The following PRDM11 variants were observed in gnomAD, a reference collection of about 807,000 sequenced individuals.
The protein encoded by PRDM11 is PR/SET domain 11, also known as PR domain-containing protein 11.
PRDM11 carries 20 observed loss-of-function variants against 97.8 expected under a neutral mutation model. That is an observed-to-expected ratio of 0.20 (90% CI 0.14 to 0.30). The LOEUF is 0.30. Among genes scored for constraint, PRDM11 ranks in the 10% least tolerant of loss-of-function variants. The probability of loss-of-function intolerance (pLI) is 1.00; values close to 1 mark genes in which losing one functional copy is unlikely to be tolerated. For missense variants in PRDM11, 1,139 were observed against 1,555.2 expected, an observed-to-expected ratio of 0.73 and a Z score of 4.50; for synonymous variants, 599 against 637.7, an observed-to-expected ratio of 0.94 and a Z score of 0.91.
chr11:45,199,980 C>G (rs1853270150), intron 4 of PRDM11, among the ~76,000 whole-genome samples: 1 of 152,208 alleles, frequency 6.6e-6, no homozygotes, highest in African/African-American at 2.4e-5. Context: ...ATGGGACTGG[C>G]CATGCCATAT....
chr11:45,213,395 G>A (rs1217092715), intron 5 of PRDM11: 1 of 446,198 alleles, frequency 2.2e-6, no homozygotes, highest in Middle Eastern at 3.3e-4. Context: ...TTCCAACCTT[G>A]GGGCTGCTGC....
intron 1 of PRDM11, among the ~76,000 whole-genome samples, chr11:45,128,400 C>A (rs894027256): frequency 6.6e-6 from 1 of 152,118 alleles, no homozygotes. Flanking sequence ...GAACCCGGTA[C>A]CTCAGATGGA....
intron 1 of PRDM11, among the ~76,000 whole-genome samples, chr11:45,112,788 T>TTGTG (rs113245678): frequency 0.013 from 1,891 of 149,928 alleles, 46 homozygotes; most frequent in African/African-American, 0.043. Context: ...ATGGGATTAT[T>TTGTG]TGTGTGTGTG....
intron 4 of PRDM11, among the ~76,000 whole-genome samples, chr11:45,191,423 A>G (rs1382610946): frequency 6.6e-6 from 1 of 152,054 alleles, no homozygotes; most frequent in Non-Finnish European, 1.5e-5. Context: ...ATTATTTGAC[A>G]TTCTTCTGTT....
At chr11:45,161,689 C>A (rs1344746243) in intron 1 of PRDM11, among the ~76,000 whole-genome samples, 1 of 152,240 alleles carries the variant, frequency 6.6e-6, no homozygotes, top group Non-Finnish European at 1.5e-5. Flanking sequence ...GGGTTGGCCT[C>A]GCAGCCCCGG....
At position 45,203,623 on chromosome 11, in the gene PRDM11, A is replaced by ATTTT. The variant is rs3052176; in HGVS notation, c.487-1076_487-1073dup. 4.9e-5 allele frequency among the ~76,000 whole-genome samples: 7 copies of ATTTT among 143,944 alleles called. 2 individuals carry two copies. Among genetic ancestry groups the ATTTT allele is most frequent in the Non-Finnish European group, 7.5e-5 (5 of 66,450 alleles). The allele number at this position is 143,944 out of a possible 152,430, so 94.4% of individuals were successfully genotyped here. On this transcript the variant is annotated intron_variant, in intron 4 of 7. Coordinates refer to ENST00000683152, the MANE Select transcript of PRDM11 (RefSeq NM_001384648.1). ...AAGGATATATTGAGCTACTCCCATA[A>ATTTT]TTTTTTTTTTTTTTTGAGATGGAGT... is the stretch of plus-strand genomic sequence containing the variant.
intron 1 of PRDM11, among the ~76,000 whole-genome samples, chr11:45,137,329 A>G (rs890515921): frequency 3.3e-5 from 5 of 151,906 alleles, no homozygotes; most frequent in African/African-American, 1.2e-4. Flanking sequence ...GCTACTCGGG[A>G]GGCTGAGGCA....
rs565564740 is a variant in PRDM11, at chr11:45,176,652, A to G, written c.-6-5109A>G. Among the ~76,000 whole-genome samples the G allele has an allele frequency of 3.3e-5, 5 of 152,318 alleles. No individual in the cohort carries two copies. The South Asian group carries it at 6.2e-4, about 19-fold the overall frequency. On this transcript the variant is annotated intron_variant, in intron 1 of 7. Coordinates refer to ENST00000683152, the MANE Select transcript of PRDM11 (RefSeq NM_001384648.1). ...AAATACATGGTGACATAAGGTTTCT[A>G]TGAATTCAATAACACTTTTAAATAC...
intron 1 of PRDM11, among the ~76,000 whole-genome samples, chr11:45,096,679 T>C (rs1341834363): frequency 1.3e-5 from 2 of 152,212 alleles, no homozygotes; most frequent in African/African-American, 4.8e-5. Context: ...CCAAGCAGCC[T>C]CTTCACTGGC....
Position 45,147,752 on chromosome 11 carries a change from A to AC in PRDM11, c.-7+881dup, listed in dbSNP as rs1228675458. ...CCCAGTTGGGAGATGGGGGCTTAGA[A>AC]CCCCCCAGGCTGGGCTGGGATTTAG... is the stretch of plus-strand genomic sequence containing the variant. On this transcript the variant is annotated intron_variant, in intron 1 of 7. Transcript: ENST00000683152. Among the ~76,000 whole-genome samples, 8 of 152,030 alleles carry AC rather than the reference A, an allele frequency of 5.3e-5. 1 individual carries two copies. Among genetic ancestry groups the AC allele is most frequent in the Middle Eastern group, 3.4e-3 (1 of 294 alleles).
Position 45,229,927 on chromosome 11 carries a change from A to G in PRDM11, c.*1768A>G. 6.6e-6 allele frequency: 1 copy of G among 151,964 alleles called. No individual in the cohort carries two copies. The highest frequency in any genetic ancestry group is 1.9e-4 in the East Asian group (1 of 5,158). The allele number at this position is 151,964 out of a possible 1,614,324, so 9.4% of individuals were successfully genotyped here. On this transcript the variant is annotated 3_prime_UTR_variant, in exon 8 of 8. Coordinates refer to ENST00000683152, the MANE Select transcript of PRDM11 (RefSeq NM_001384648.1). ...TGGTGGCTTCCTTCCTTCTTGGTTTATGTTGTCTCTGAGGCCTCATGCCAC... is the reference window on the plus strand; with the variant it reads ...TGGTGGCTTCCTTCCTTCTTGGTTTGTGTTGTCTCTGAGGCCTCATGCCAC...
Position 45,105,380 on chromosome 11 carries a change from C to T in PRDM11, c.96+9479C>T, listed in dbSNP as rs976227018. The stretch of plus-strand genomic sequence containing the variant: ...CATAGCCACCAGGTGCTGCAAAAGC[C>T]TTGAGCTCATCTAGTGAGAACCCTC... On this transcript the variant is annotated intron_variant, in intron 1 of 6. Transcript: ENST00000530656. Among the ~76,000 whole-genome samples, 8 of 152,350 alleles carry T rather than the reference C, an allele frequency of 5.3e-5. No homozygotes were observed. In the East Asian group the frequency reaches 9.6e-4, roughly 18 times the overall value.
At chr11:45,142,947 T>C (rs1851435217), upstream of PRDM11, among the ~76,000 whole-genome samples, 1 of 152,134 alleles carries the variant, frequency 6.6e-6, no homozygotes, top group African/African-American at 2.4e-5. Context: ...GCTGAGCCAG[T>C]AGGATTAGAA....
intron 4 of PRDM11, among the ~76,000 whole-genome samples, chr11:45,201,198 TAGTAA>T (rs1324849147): frequency 2.0e-5 from 3 of 152,248 alleles, no homozygotes; most frequent in African/African-American, 7.2e-5. Flanking sequence ...CAGTCAAATG[TAGTAA>T]AATAATTGGG....
At chr11:45,111,796 T>C (rs1852188063) in intron 1 of PRDM11, among the ~76,000 whole-genome samples, 1 of 152,148 alleles carries the variant, frequency 6.6e-6, no homozygotes, top group Admixed American at 6.5e-5. Context: ...GACTGGACAC[T>C]ATGGGTGCCT....
chr11:45,107,974 T>A (rs187731367), intron 1 of PRDM11, among the ~76,000 whole-genome samples: 1 of 152,094 alleles, frequency 6.6e-6, no homozygotes, highest in East Asian at 1.9e-4. Context: ...GGACTACAGG[T>A]CTACACCACC....
rs535538236 is a variant in PRDM11, at chr11:45,120,488, A to G, written c.96+24587A>G. On this transcript the variant is annotated intron_variant, in intron 1 of 6. Transcript: ENST00000530656. ...AAGCTGCTAGAGGAAAAAAGGAACC[A>G]TTACCTTAAAAGAAGTAACAGTAAA... Among the ~76,000 whole-genome samples the G allele has an allele frequency of 2.0e-5, 3 of 152,290 alleles. No individual in the cohort carries two copies. The South Asian group carries it at 6.2e-4, about 32-fold the overall frequency.
intron 1 of PRDM11, among the ~76,000 whole-genome samples, chr11:45,108,211 T>C (rs898306917): frequency 1.3e-5 from 2 of 152,160 alleles, no homozygotes; most frequent in African/African-American, 4.8e-5. Context: ...TGTTAAAATA[T>C]CAGCATGTGT....
intron 1 of PRDM11, among the ~76,000 whole-genome samples, chr11:45,147,759 A>G (rs1408472712): frequency 6.6e-6 from 1 of 152,224 alleles, no homozygotes; most frequent in Non-Finnish European, 1.5e-5. Context: ...AGAACCCCCC[A>G]GGCTGGGCTG....
Sources: gnomAD v4.1 joint callset for allele counts (sites outside exome capture counted in the v4.1 genomes callset) on GRCh38, gnomAD v4.1.1 for gene constraint, MANE v1.5 for transcripts, NCBI Gene and HGNC (gene_info 2026-07-23, HGNC 2026-07-21) for gene names.